MYO3B: variants seen among roughly 807,000 people sequenced by gnomAD.
MYO3B encodes myosin-IIIb.
A neutral mutation model predicts 174.6 loss-of-function variants in MYO3B; 156 were observed. The ratio of observed to expected loss-of-function variants is 0.89; its 90% CI spans 0.78 to 1.02. The LOEUF (loss-of-function observed/expected upper bound fraction) is 1.02, where lower values mean the gene tolerates loss of function less well. MYO3B is among the 50% of genes least tolerant of loss of function. The probability of loss-of-function intolerance (pLI) is 0.00; values close to 1 mark genes in which losing one functional copy is unlikely to be tolerated. For synonymous variants in MYO3B, 563 were observed against 569.1 expected (o/e 0.99, Z 0.15); for missense variants, 1,632 against 1,639.4 (o/e 1.00, Z 0.08).
At chr2:170,486,597 G>A (rs745705953) in intron 25 of MYO3B, among the ~76,000 whole-genome samples, 10 of 152,164 alleles carry the variant, frequency 6.6e-5, no homozygotes, top group Non-Finnish European at 1.5e-4. Flanking sequence ...CACCGTGCCT[G>A]GCTTAGAATC....
At chr2:170,565,773 G>A (rs1692034327) in intron 32 of MYO3B, among the ~76,000 whole-genome samples, 1 of 152,134 alleles carries the variant, frequency 6.6e-6, no homozygotes, top group African/African-American at 2.4e-5. Flanking sequence ...AAGTCTGCAG[G>A]GGGCAAGGTA....
At chr2:170,451,196 A>G (rs907658558) in intron 23 of MYO3B, among the ~76,000 whole-genome samples, 3 of 152,246 alleles carry the variant, frequency 2.0e-5, no homozygotes, top group Non-Finnish European at 4.4e-5. Context: ...GGACTCAAGT[A>G]CATGTTACAC....
At chr2:170,522,055 T>C (rs933481079) in intron 30 of MYO3B, among the ~76,000 whole-genome samples, 1 of 152,166 alleles carries the variant, frequency 6.6e-6, no homozygotes, top group Non-Finnish European at 1.5e-5. Flanking sequence ...CTTTGTTTTC[T>C]CTGGTTCCAT....
At chr2:170,574,554 TAAAAG>T (rs570433257) in intron 32 of MYO3B, among the ~76,000 whole-genome samples, 51 of 152,236 alleles carry the variant, frequency 3.4e-4, no homozygotes, top group African/African-American at 9.4e-4. Context: ...AAATACTAAT[TAAAAG>T]AAACACATGG....
chr2:170,207,858 T>G (rs185085702), intron 3 of MYO3B, among the ~76,000 whole-genome samples: 1 of 152,160 alleles, frequency 6.6e-6, no homozygotes, highest in African/African-American at 2.4e-5. Context: ...AAGTGAGTCA[T>G]TCCTCTTTCT....
chr2:170,519,707 C>A lies in MYO3B; in HGVS notation c.3575+167C>A, dbSNP rs1575108762. 16 of 575,574 alleles carry A rather than the reference C, an allele frequency of 2.8e-5. No individual in the cohort carries two copies. In the East Asian group the frequency reaches 4.3e-4, roughly 16 times the overall value. The allele number at this position is 575,574 out of a possible 1,614,324, so 35.7% of individuals were successfully genotyped here. ...GTTTCCAGGGCTGGGCGTGGTGGCTCATGCCTGTAATCCCAGCACTTTGTG... is the reference window on the plus strand; with the variant it reads ...GTTTCCAGGGCTGGGCGTGGTGGCTAATGCCTGTAATCCCAGCACTTTGTG... On this transcript the variant is annotated intron_variant, in intron 30 of 34. Transcript: ENST00000408978.
At chr2:170,352,009 G>A (rs2094075767) in intron 8 of MYO3B, among the ~76,000 whole-genome samples, 1 of 152,190 alleles carries the variant, frequency 6.6e-6, no homozygotes, top group Non-Finnish European at 1.5e-5. Flanking sequence ...CTAGAGTGCA[G>A]TGGCATGATC....
chr2:170,295,672 T>G (rs2093624742), intron 7 of MYO3B, among the ~76,000 whole-genome samples: 1 of 152,162 alleles, frequency 6.6e-6, no homozygotes, highest in Non-Finnish European at 1.5e-5. Flanking sequence ...TATAGTTTTT[T>G]GTATAATATT....
chr2:170,601,527 AT>A, intron 32 of MYO3B: 3 of 891,642 alleles, frequency 3.4e-6, no homozygotes, highest in Non-Finnish European at 3.4e-6. Context: ...TTACATTTTA[AT>A]TTTTTTATTT....
At chr2:170,645,826 T>A (rs1321535294) in intron 32 of MYO3B, among the ~76,000 whole-genome samples, 1 of 152,234 alleles carries the variant, frequency 6.6e-6, no homozygotes, top group Non-Finnish European at 1.5e-5. Flanking sequence ...GTATTTTACT[T>A]CTTTTTCCAA....
intron 30 of MYO3B, among the ~76,000 whole-genome samples, chr2:170,539,977 A>G (rs969028030): frequency 6.6e-6 from 1 of 152,110 alleles, no homozygotes; most frequent in Admixed American, 6.5e-5. Flanking sequence ...TTCCATAGTC[A>G]ATATACCATA....
intron 2 of MYO3B, among the ~76,000 whole-genome samples, 185 bp downstream of exon 2, chr2:170,199,576 T>C (rs1434149070): frequency 2.6e-5 from 4 of 152,222 alleles, no homozygotes; most frequent in Admixed American, 2.0e-4. Context: ...CCTTGACTTT[T>C]GTTTCTTGTC....
At chr2:170,407,575 A>T in intron 21 of MYO3B, 140 bp from the exon 22 acceptor site, 2 of 84,602 alleles carry the variant, frequency 2.4e-5, no homozygotes, top group Non-Finnish European at 4.2e-5. Context: ...TATTCCCTTT[A>T]TCTGGTGCTC....
At chr2:170,454,482 G>A (rs1029568999) in intron 23 of MYO3B, among the ~76,000 whole-genome samples, 2 of 152,210 alleles carry the variant, frequency 1.3e-5, no homozygotes, top group Non-Finnish European at 2.9e-5. Flanking sequence ...AAATGTCTCC[G>A]CAGGACTATT....
chr2:170,446,397 A>G (rs978194063), intron 23 of MYO3B, among the ~76,000 whole-genome samples: 4 of 152,200 alleles, frequency 2.6e-5, no homozygotes, highest in Admixed American at 6.5e-5. Context: ...TTCCACACCC[A>G]TAGTACCAGC....
chr2:170,636,957 C>CGTGTGTGTGTGTGTGTGT (rs3047156), intron 32 of MYO3B, among the ~76,000 whole-genome samples: 2 of 146,578 alleles, frequency 1.4e-5, no homozygotes, highest in African/African-American at 2.5e-5. Flanking sequence ...TGCTTTTGTG[C>CGTGTGTGTGTGTGTGTGT]GTGTGTGTGT....
intron 3 of MYO3B, among the ~76,000 whole-genome samples, chr2:170,203,502 G>GC (rs2092684749): frequency 1.4e-5 from 2 of 142,060 alleles, no homozygotes; most frequent in Admixed American, 1.4e-4. Context: ...GGGCGGCGGG[G>GC]GGGGGAGGGA....
chr2:170,227,560 C>T (rs2092965610), intron 6 of MYO3B, among the ~76,000 whole-genome samples: 1 of 152,176 alleles, frequency 6.6e-6, no homozygotes, highest in Admixed American at 6.5e-5. Flanking sequence ...GCTGAGATGA[C>T]AGGCATGAGC....
chr2:170,232,728 A>C (rs1291994126), intron 6 of MYO3B, among the ~76,000 whole-genome samples: 1 of 152,234 alleles, frequency 6.6e-6, no homozygotes, highest in African/African-American at 2.4e-5. Flanking sequence ...AATTATTATG[A>C]AGATTAAGTT....
Sources: allele counts gnomAD v4.1 joint callset (sites outside exome capture counted in the v4.1 genomes callset), GRCh38; gene constraint gnomAD v4.1.1; transcripts MANE v1.5; gene names NCBI Gene and HGNC (gene_info 2026-07-23, HGNC 2026-07-21).